Variants in FSCN2 observed in about 807,000 individuals in gnomAD.
FSCN2 encodes the protein fascin-2.
Under a neutral mutation model 37.8 loss-of-function variants are expected in FSCN2, and 46 were observed. The observed-to-expected ratio is 1.22, with a 90% CI of 0.96 to 1.56. The LOEUF (loss-of-function observed/expected upper bound fraction) is 1.56. Among genes scored for constraint, FSCN2 ranks in the 40% most tolerant of loss-of-function variants. The pLI is 0.00. For missense variants in FSCN2, 844 were observed against 730.4 expected (o/e 1.16, Z -1.79); for synonymous variants, 351 against 309.4 (o/e 1.13, Z -1.41).
chr17:81,536,065 G>A (rs1177851841), intron 2 of FSCN2, 81 bp from the exon 3 acceptor site: 1 of 1,527,220 alleles, frequency 6.5e-7, no homozygotes, highest in Admixed American at 1.9e-5. Flanking sequence ...CCACTCCTTG[G>A]AACCTGAGGA....
At chr17:81,530,807 C>T (rs1475752804) in intron 1 of FSCN2, 3 of 311,970 alleles carry the variant, frequency 9.6e-6, no homozygotes, top group South Asian at 4.8e-5. Flanking sequence ...CCAGCAGTGA[C>T]AGGGTCCCAG....
At chr17:81,521,067 A>AT in the FSCN2 span, among the ~76,000 whole-genome samples, 15 of 150,476 alleles carry the variant, frequency 1.0e-4, no homozygotes, top group African/African-American at 2.9e-4. Context: ...TGGTTTTGAA[A>AT]TTTTTTTTTC....
intron 1 of FSCN2, among the ~76,000 whole-genome samples, chr17:81,531,654 G>GTGATGGTGATGA (rs1377497663): frequency 4.0e-5 from 5 of 123,566 alleles, no homozygotes; most frequent in South Asian, 2.8e-4. Flanking sequence ...GGTGATGATA[G>GTGATGGTGATGA]TGATGGTGAT....
upstream of FSCN2, among the ~76,000 whole-genome samples, chr17:81,524,403 C>T (rs1555669812): frequency 6.6e-6 from 1 of 152,234 alleles, no homozygotes. Flanking sequence ...CACCCCCTCC[C>T]AGGTGCAGAC....
At chr17:81,531,258 A>ATGATGGTGGTGATGGTGGTGGTGATGG (rs1807261502) in intron 1 of FSCN2, among the ~76,000 whole-genome samples, 1 of 70,198 alleles carries the variant, frequency 1.4e-5, no homozygotes, top group Non-Finnish European at 2.7e-5. Context: ...GGTGATGGTG[A>ATGATGGTGGTGATGGTGGTGGTGATGG]TGATGGTGGT....
At position 81,536,617 on chromosome 17, in the gene FSCN2, G is replaced by T. The variant is rs550861612; in HGVS notation, c.1106-5G>T. ...GGGCAGCGCAGCAGACGCTCTCCCC[G>T]CCAGGCAAGGACGAAGAGTTCACCC... is the stretch of plus-strand genomic sequence containing the variant. On this transcript the variant is annotated splice_polypyrimidine_tract_variant and splice_region_variant and intron_variant, in intron 3 of 4. Coordinates refer to ENST00000417245, the MANE Select transcript of FSCN2 (RefSeq NM_012418.4). 1.2e-5 allele frequency: 20 copies of T among 1,608,252 alleles called. No homozygotes were observed. The East Asian group carries it at 2.9e-4, about 23-fold the overall frequency.
the FSCN2 span, among the ~76,000 whole-genome samples, chr17:81,519,636 T>C: frequency 1.3e-5 from 2 of 152,090 alleles, no homozygotes; most frequent in Non-Finnish European, 2.9e-5. Context: ...GCGGGGCCGG[T>C]CGCTGAGTCA....
Position 81,528,878 on chromosome 17 carries a change from AC to A in FSCN2, c.349del (p.Gln117SerfsTer28). ...GGCCGCTTCTTCGGAGGCACCGAGG[AC>A]CAGCTGTCCTGCTTCGCCACAGCCG... ...PHGRFFGGTE[D>X]QLSCFATAVS... is the part of the protein sequence containing the mutation. On this transcript the variant is annotated frameshift_variant, in exon 1 of 5. Coordinates refer to ENST00000417245, the MANE Select transcript of FSCN2 (RefSeq NM_012418.4). LOFTEE classifies it high-confidence loss of function. 6.4e-7 allele frequency: 1 copy of A among 1,570,610 alleles called. No individual in the cohort carries two copies. Among genetic ancestry groups the A allele is most frequent in the South Asian group, 1.2e-5 (1 of 86,136 alleles).
chr17:81,524,233 A>C (rs2032283363), upstream of FSCN2, among the ~76,000 whole-genome samples: 1 of 152,084 alleles, frequency 6.6e-6, no homozygotes, highest in Non-Finnish European at 1.5e-5. Context: ...GCCGAGGCTC[A>C]GGCCTCGGGA....
chr17:81,515,686 C>T, the FSCN2 span, among the ~76,000 whole-genome samples: 1 of 152,342 alleles, frequency 6.6e-6, no homozygotes, highest in Non-Finnish European at 1.5e-5. Flanking sequence ...CCCCCGGACT[C>T]TGGGTCACCT....
chr17:81,535,236 AT>A (rs1457883150), intron 2 of FSCN2, 28 bp downstream of exon 2: 1 of 1,484,188 alleles, frequency 6.7e-7, no homozygotes, highest in African/African-American at 1.4e-5. Flanking sequence ...TTCCTCCTCC[AT>A]CATCCCCATC....
chr17:81,531,333 G>GTGGTGGTGA (rs2032566952), intron 1 of FSCN2, among the ~76,000 whole-genome samples: 1 of 86,400 alleles, frequency 1.2e-5, no homozygotes, highest in Non-Finnish European at 2.2e-5. Context: ...GGTGGTGGTG[G>GTGGTGGTGA]TGATGGTGGT....
Position 81,528,447 on chromosome 17 carries a change from G to A in FSCN2, c.-85G>A, listed in dbSNP as rs1308172172. On this transcript the variant is annotated 5_prime_UTR_variant, in exon 1 of 5. Coordinates refer to ENST00000417245, the MANE Select transcript of FSCN2 (RefSeq NM_012418.4). ...CTGGGGGCTGTGGGCCAGCCGAGCC[G>A]ACCCGGGCTTCTGGGGGACCGCGGG... is the stretch of plus-strand genomic sequence containing the variant. The A allele has an allele frequency of 2.7e-5, 29 of 1,066,178 alleles. No individual in the cohort carries two copies. The highest frequency in any genetic ancestry group is 2.6e-4 in the Middle Eastern group (1 of 3,870). 66.0% of individuals were successfully genotyped at this position (1,066,178 alleles called of 1,614,324 possible). A position where few individuals can be genotyped will look rare whatever the true frequency, so the allele number is the denominator to read the frequency against.
chr17:81,532,224 ATGATAATGG>A (rs1307480710), intron 1 of FSCN2, among the ~76,000 whole-genome samples: 4 of 109,318 alleles, frequency 3.7e-5, no homozygotes, highest in Non-Finnish European at 5.6e-5. Context: ...GATGGTGATG[ATGATAATGG>A]TGATGATGGT....
intron 1 of FSCN2, among the ~76,000 whole-genome samples, chr17:81,533,828 C>T (rs1217925036): frequency 6.6e-6 from 1 of 152,176 alleles, no homozygotes; most frequent in African/African-American, 2.4e-5. Context: ...TGGGGCAACT[C>T]TGGGGACACC....
At chr17:81,517,250 A>C in the FSCN2 span, among the ~76,000 whole-genome samples, 3 of 149,256 alleles carry the variant, frequency 2.0e-5, no homozygotes, top group Non-Finnish European at 4.4e-5. Context: ...AGCAGGAACC[A>C]AGGAGGCCCC....
the FSCN2 span, among the ~76,000 whole-genome samples, chr17:81,515,834 C>G: frequency 6.6e-6 from 1 of 152,262 alleles, no homozygotes; most frequent in African/African-American, 2.4e-5. Flanking sequence ...GGAATGTCTA[C>G]TTTTTCTTTA....
chr17:81,518,275 T>C, the FSCN2 span, among the ~76,000 whole-genome samples: 1 of 152,172 alleles, frequency 6.6e-6, no homozygotes, highest in African/African-American at 2.4e-5. Context: ...TATTAGCTTC[T>C]TTCACCCACT....
chr17:81,526,783 T>G (rs2032364208), upstream of FSCN2, among the ~76,000 whole-genome samples: 1 of 152,186 alleles, frequency 6.6e-6, no homozygotes, highest in Non-Finnish European at 1.5e-5. Flanking sequence ...GCATCGTCTC[T>G]GGGAAGGGGG....
Sources: gnomAD v4.1 joint callset for allele counts (sites outside exome capture counted in the v4.1 genomes callset) on GRCh38, gnomAD v4.1.1 for gene constraint, MANE v1.5 for transcripts, NCBI Gene and HGNC (gene_info 2026-07-23, HGNC 2026-07-21) for gene names.